The following TTC29 variants were observed in gnomAD, a reference collection of about 807,000 sequenced individuals.
TTC29 encodes the protein tetratricopeptide repeat protein 29.
Under a neutral mutation model 58.1 loss-of-function variants are expected in TTC29, and 49 were observed. That is an observed-to-expected ratio of 0.84 (90% confidence interval 0.67 to 1.07). TTC29 has a LOEUF of 1.07. Among genes scored for constraint, TTC29 ranks in the 50% least tolerant of loss-of-function variants. The probability of loss-of-function intolerance (pLI) is 0.00; values close to 1 mark genes in which losing one functional copy is unlikely to be tolerated. For synonymous variants in TTC29, 209 were observed against 196.8 expected, an observed-to-expected ratio of 1.06 and a Z score of -0.52; for missense variants, 582 against 555.6, an observed-to-expected ratio of 1.05 and a Z score of -0.48.
chr4:146,814,178 C>T (rs554879219), intron 10 of TTC29, among the ~76,000 whole-genome samples: 134 of 152,144 alleles, frequency 8.8e-4, no homozygotes, highest in Middle Eastern at 3.4e-3. Flanking sequence ...ATATAGTTTC[C>T]GCTCTCATTA....
At position 146,736,342 on chromosome 4, in the gene TTC29, A is replaced by G. The variant is rs186618996; in HGVS notation, c.1331-28791T>C. On this transcript the variant is annotated intron_variant, in intron 11 of 12. Coordinates refer to ENST00000325106, the MANE Select transcript of TTC29 (RefSeq NM_031956.4). ...GGCTGATAGGATTATGAAAGTTGGT[A>G]TACTTGAATACACTTCATGTGAAGT... is the stretch of plus-strand genomic sequence containing the variant. Among the ~76,000 whole-genome samples, 4 of 152,304 alleles carry G rather than the reference A, an allele frequency of 2.6e-5. No individual in the cohort carries two copies. In the East Asian group the frequency reaches 7.7e-4, roughly 29 times the overall value.
At chr4:146,767,633 A>G (rs1579628284) in intron 11 of TTC29, among the ~76,000 whole-genome samples, 1 of 152,216 alleles carries the variant, frequency 6.6e-6, no homozygotes, top group African/African-American at 2.4e-5. Flanking sequence ...ATTATTGTCT[A>G]TATTTAGTGG....
intron 11 of TTC29, among the ~76,000 whole-genome samples, chr4:146,782,647 T>G (rs1165213780): frequency 6.6e-6 from 1 of 151,978 alleles, no homozygotes; most frequent in African/African-American, 2.4e-5. Context: ...TTTTCACATA[T>G]CAATGTAATC....
At chr4:146,934,928 A>C (rs1424307323) in intron 4 of TTC29, among the ~76,000 whole-genome samples, 1 of 152,156 alleles carries the variant, frequency 6.6e-6, no homozygotes, top group Non-Finnish European at 1.5e-5. Flanking sequence ...GAGTCAACTG[A>C]GGCAAAAATG....
intron 11 of TTC29, among the ~76,000 whole-genome samples, chr4:146,734,518 G>A (rs72731873): frequency 0.037 from 5,608 of 152,168 alleles, 169 homozygotes; most frequent in Non-Finnish European, 0.053. Context: ...CTTGAAACTG[G>A]TCTGTCAGAA....
intron 8 of TTC29, among the ~76,000 whole-genome samples, chr4:146,850,576 G>A (rs370295453): frequency 6.6e-6 from 1 of 150,996 alleles, no homozygotes; most frequent in South Asian, 2.1e-4. Context: ...CAAGAGCTTG[G>A]TGACAAAAAC....
chr4:146,761,708 CT>C (rs1275172955), intron 11 of TTC29, among the ~76,000 whole-genome samples: 8 of 148,574 alleles, frequency 5.4e-5, no homozygotes, highest in African/African-American at 1.7e-4. Context: ...TCTTTGCTCC[CT>C]TTTACTTACT....
intron 6 of TTC29, among the ~76,000 whole-genome samples, chr4:146,889,330 G>A (rs1732198893): frequency 6.6e-6 from 1 of 151,944 alleles, no homozygotes; most frequent in Admixed American, 6.6e-5. Context: ...GTAATTTAAT[G>A]AGATTTCTAA....
At chr4:146,785,088 A>AGTGT (rs935685621) in intron 11 of TTC29, among the ~76,000 whole-genome samples, 1 of 151,916 alleles carries the variant, frequency 6.6e-6, no homozygotes, top group African/African-American at 2.4e-5. Flanking sequence ...TTTGTGTAAG[A>AGTGT]GTGTGTGTGT....
chr4:146,755,119 TA>T (rs943948230), intron 11 of TTC29, among the ~76,000 whole-genome samples: 2 of 152,014 alleles, frequency 1.3e-5, no homozygotes, highest in African/African-American at 4.8e-5. Flanking sequence ...AATAAATTTT[TA>T]AAAGTCCCAT....
At chr4:146,782,274 GA>G (rs1489946373) in intron 11 of TTC29, among the ~76,000 whole-genome samples, 2 of 151,536 alleles carry the variant, frequency 1.3e-5, no homozygotes, top group African/African-American at 4.8e-5. Context: ...ACTTTGTGCA[GA>G]AAGTAGCTAC....
rs77853445 is a variant in TTC29, at chr4:146,914,813, T to C, written c.177-5564A>G. 2.4e-3 allele frequency among the ~76,000 whole-genome samples: 361 copies of C among 152,160 alleles called. 9 individuals are homozygous for C. The East Asian group carries it at 0.061, about 26-fold the overall frequency. On this transcript the variant is annotated intron_variant, in intron 4 of 12. Coordinates refer to ENST00000325106, the MANE Select transcript of TTC29 (RefSeq NM_031956.4). ...TTTTGAATTCACATCAACATCTCCC[T>C]AAAAAAATGCAGAGATTTAAAAAAT...
chr4:146,856,039 C>T (rs1028221861), intron 8 of TTC29, among the ~76,000 whole-genome samples: 8 of 152,204 alleles, frequency 5.3e-5, no homozygotes, highest in African/African-American at 1.4e-4. Context: ...ATTGCTCCAG[C>T]GAACATTTTC....
At chr4:146,721,572 A>C (rs1293425598) in intron 11 of TTC29, among the ~76,000 whole-genome samples, 2 of 152,200 alleles carry the variant, frequency 1.3e-5, no homozygotes. Context: ...TACTTTAAAA[A>C]TATGACACAA....
chr4:146,867,671 A>G (rs1439449182), intron 7 of TTC29, 88 bp from the exon 8 acceptor site: 1 of 620,782 alleles, frequency 1.6e-6, no homozygotes, highest in Non-Finnish European at 2.6e-6. Flanking sequence ...GACAGTAGAA[A>G]ATTATTTTTA....
chr4:146,711,079 C>T (rs1579498291), intron 11 of TTC29, among the ~76,000 whole-genome samples: 1 of 152,088 alleles, frequency 6.6e-6, no homozygotes, highest in East Asian at 1.9e-4. Flanking sequence ...TTTTGGCATG[C>T]TAAACATTTG....
rs1362807025 is a variant in TTC29 at position 146,945,021 on chromosome 4, C to T, written c.-7+10G>A. ...GAGTTTGAAGGCAAGCCATATTTCACGTGACTTACATTTGCAGATTACTGC... is the reference window on the plus strand; with the variant it reads ...GAGTTTGAAGGCAAGCCATATTTCATGTGACTTACATTTGCAGATTACTGC... On this transcript the variant is annotated intron_variant, in intron 2 of 12. Coordinates refer to ENST00000325106, the MANE Select transcript of TTC29 (RefSeq NM_031956.4). 6.6e-6 allele frequency: 1 copy of T among 152,156 alleles called. No individual in the cohort carries two copies. The highest frequency in any genetic ancestry group is 1.9e-4 in the East Asian group (1 of 5,186). 9.4% of individuals were successfully genotyped at this position (152,156 alleles called of 1,614,324 possible).
chr4:146,724,396 A>G (rs1431181239), intron 11 of TTC29, among the ~76,000 whole-genome samples: 1 of 152,220 alleles, frequency 6.6e-6, no homozygotes, highest in African/African-American at 2.4e-5. Context: ...TTATAAAAAA[A>G]GATAATTTTT....
intron 4 of TTC29, among the ~76,000 whole-genome samples, chr4:146,932,484 A>T (rs1486503579): frequency 6.6e-6 from 1 of 152,222 alleles, no homozygotes; most frequent in East Asian, 1.9e-4. Context: ...ACTTGAAAGG[A>T]TCTAACTTCC....
Sources: allele counts gnomAD v4.1 joint callset (sites outside exome capture counted in the v4.1 genomes callset), GRCh38; gene constraint gnomAD v4.1.1; transcripts MANE v1.5; gene names NCBI Gene and HGNC (gene_info 2026-07-23, HGNC 2026-07-21).